Variants in WWC1 observed in about 807,000 individuals in gnomAD.
WWC1 encodes protein KIBRA.
Under a neutral mutation model 138.4 loss-of-function variants are expected in WWC1, and 55 were observed. The observed-to-expected ratio is 0.40, with a 90% CI of 0.32 to 0.50. WWC1 has a LOEUF of 0.50. Ranked by LOEUF, WWC1 falls within the 20% of genes least tolerant of loss-of-function variation. The probability of loss-of-function intolerance (pLI) is 0.72; values close to 1 mark genes in which losing one functional copy is unlikely to be tolerated. For missense variants in WWC1, 1,226 were observed against 1,420.4 expected (o/e 0.86, Z 2.20); for synonymous variants, 524 against 564.9 (o/e 0.93, Z 1.03).
Position 168,375,814 on chromosome 5 carries a change from A to G in WWC1, c.229+4281A>G, listed in dbSNP as rs562775964. On this transcript the variant is annotated intron_variant, in intron 2 of 22. Coordinates refer to ENST00000265293, the MANE Select transcript of WWC1 (RefSeq NM_015238.3). ...GGTCTCAAACTCCTAACCTCAGGTGATCTGCCCACCTTGGCCTCCCAAAGT... is the reference window on the plus strand; with the variant it reads ...GGTCTCAAACTCCTAACCTCAGGTGGTCTGCCCACCTTGGCCTCCCAAAGT... Among the ~76,000 whole-genome samples, 6 of 152,072 alleles carry G rather than the reference A, an allele frequency of 3.9e-5. No homozygotes were observed. In the South Asian group the frequency reaches 8.3e-4, roughly 21 times the overall value.
intron 1 of WWC1, among the ~76,000 whole-genome samples, chr5:168,328,652 T>C (rs925496126): frequency 1.7e-4 from 26 of 152,188 alleles, no homozygotes; most frequent in African/African-American, 6.3e-4. Context: ...GTTCAAGCAA[T>C]TCTTCTGCCT....
chr5:168,441,848 A>G lies in WWC1; in HGVS notation c.2433+14A>G. 6.2e-7 allele frequency: 1 copy of G among 1,610,858 alleles called. No homozygotes were observed. The highest frequency in any genetic ancestry group is 8.5e-7 in the Non-Finnish European group (1 of 1,178,374). On this transcript the variant is annotated intron_variant, in intron 16 of 22. Coordinates refer to ENST00000265293, the MANE Select transcript of WWC1 (RefSeq NM_015238.3). ...CCTGCCAGCACGGTGAGCTGGGACC[A>G]GGTGTGCCACCTTCCCACAAGGCCG...
At chr5:168,334,999 T>G (rs1581950543) in intron 1 of WWC1, among the ~76,000 whole-genome samples, 1 of 152,242 alleles carries the variant, frequency 6.6e-6, no homozygotes. Context: ...TGCAGGGAAG[T>G]GAACCTGACC....
At chr5:168,456,876 G>T (rs989621017) in intron 19 of WWC1, among the ~76,000 whole-genome samples, 2 of 152,202 alleles carry the variant, frequency 1.3e-5, no homozygotes, top group African/African-American at 4.8e-5. Context: ...TAAGATAGAA[G>T]AACTTTGGTG....
rs1582413744 is a variant in WWC1, at chr5:168,469,621, C to A, written c.*604C>A. The A allele has an allele frequency of 6.5e-6, 1 of 152,970 alleles. No homozygotes were observed. Among genetic ancestry groups the A allele is most frequent in the African/African-American group, 2.4e-5 (1 of 41,430 alleles). The allele number at this position is 152,970 out of a possible 1,614,324, so 9.5% of individuals were successfully genotyped here. ...CGGGCAGTGTGATAGGCTGGGTGGG[C>A]TAAGCAGCCTAGTCTATGTGGGTGA... On this transcript the variant is annotated 3_prime_UTR_variant, in exon 23 of 23. Transcript: ENST00000265293.
At chr5:168,407,770 G>A (rs570957171) in intron 6 of WWC1, among the ~76,000 whole-genome samples, 1 of 152,294 alleles carries the variant, frequency 6.6e-6, no homozygotes, top group African/African-American at 2.4e-5. Flanking sequence ...AAAGCTGACA[G>A]TTACTGAGTA....
chr5:168,406,711 G>A (rs1204403886), intron 6 of WWC1, among the ~76,000 whole-genome samples: 2 of 152,146 alleles, frequency 1.3e-5, no homozygotes, highest in Non-Finnish European at 2.9e-5. Context: ...GGAGGCTGAG[G>A]CGGGCGGATC....
chr5:168,386,841 G>C (rs1045332312), intron 3 of WWC1, among the ~76,000 whole-genome samples: 7 of 151,836 alleles, frequency 4.6e-5, no homozygotes, highest in Non-Finnish European at 8.8e-5. Flanking sequence ...GTAAAGACAG[G>C]GTTTCCCGAT....
intron 3 of WWC1, 123 bp downstream of exon 3, chr5:168,385,537 C>T: frequency 2.0e-6 from 2 of 1,001,130 alleles, no homozygotes; most frequent in South Asian, 3.3e-5. Flanking sequence ...GTCCAAACCA[C>T]CATCTTGTTT....
At chr5:168,446,894 A>T (rs1379384090) in intron 17 of WWC1, among the ~76,000 whole-genome samples, 1 of 152,252 alleles carries the variant, frequency 6.6e-6, no homozygotes, top group Non-Finnish European at 1.5e-5. Context: ...ACAGCCTATG[A>T]GTCTTGCCAT....
intron 1 of WWC1, among the ~76,000 whole-genome samples, chr5:168,365,751 C>A (rs565763463): frequency 3.7e-4 from 56 of 152,192 alleles, no homozygotes; most frequent in African/African-American, 1.3e-3. Flanking sequence ...CACATCTGGC[C>A]GTTTTTCCAG....
intron 1 of WWC1, among the ~76,000 whole-genome samples, chr5:168,333,383 G>A (rs1366487020): frequency 6.6e-6 from 1 of 152,182 alleles, no homozygotes; most frequent in Admixed American, 6.5e-5. Flanking sequence ...GCACCCTTGA[G>A]ATTCATGGAA....
intron 17 of WWC1, among the ~76,000 whole-genome samples, chr5:168,453,621 C>T (rs184414936): frequency 3.4e-4 from 52 of 152,278 alleles, no homozygotes; most frequent in African/African-American, 1.2e-3. Flanking sequence ...CCTCGGTTCA[C>T]TGCAACCTCC....
At chr5:168,298,229 G>GAT (rs1769739134) in intron 1 of WWC1, among the ~76,000 whole-genome samples, 1 of 152,058 alleles carries the variant, frequency 6.6e-6, no homozygotes, top group Non-Finnish European at 1.5e-5. Context: ...AGTAGAGACA[G>GAT]GGATTCACCA....
intron 1 of WWC1, among the ~76,000 whole-genome samples, chr5:168,334,225 A>AAACAAC (rs143593638): frequency 4.0e-5 from 6 of 151,112 alleles, no homozygotes; most frequent in African/African-American, 1.5e-4. Flanking sequence ...TCCTGTCTCA[A>AAACAAC]AACAACAACA....
intron 3 of WWC1, among the ~76,000 whole-genome samples, chr5:168,385,649 A>G (rs962425081): frequency 3.0e-4 from 45 of 152,180 alleles, no homozygotes; most frequent in Admixed American, 6.5e-5. Flanking sequence ...GTCGGATTAC[A>G]TATCTCCTCA....
intron 15 of WWC1, among the ~76,000 whole-genome samples, chr5:168,439,279 A>G (rs938468584): frequency 6.6e-6 from 1 of 152,042 alleles, no homozygotes; most frequent in African/African-American, 2.4e-5. Flanking sequence ...CATTGTATGG[A>G]TAGATTATAG....
intron 1 of WWC1, among the ~76,000 whole-genome samples, chr5:168,314,963 G>A (rs998233364): frequency 6.6e-6 from 1 of 152,108 alleles, no homozygotes; most frequent in Non-Finnish European, 1.5e-5. Flanking sequence ...ACACATTCCT[G>A]AGATAACACT....
chr5:168,460,194 C>T (rs1756684889), intron 19 of WWC1, among the ~76,000 whole-genome samples: 1 of 152,142 alleles, frequency 6.6e-6, no homozygotes, highest in Non-Finnish European at 1.5e-5. Context: ...GCTCCATAGA[C>T]ACCAGGGAAG....
Sources: allele counts gnomAD v4.1 joint callset (sites outside exome capture counted in the v4.1 genomes callset), GRCh38; gene constraint gnomAD v4.1.1; transcripts MANE v1.5; gene names NCBI Gene and HGNC (gene_info 2026-07-23, HGNC 2026-07-21).